Variants in HHAT observed in about 807,000 individuals in gnomAD.
HHAT encodes the protein hedgehog acyltransferase.
Under a neutral mutation model 70.8 loss-of-function variants are expected in HHAT, and 47 were observed. That is an observed-to-expected ratio of 0.66 (90% confidence interval 0.53 to 0.85). The LOEUF is 0.85. HHAT is among the 40% of genes least tolerant of loss of function. HHAT has a pLI of 0.00. For missense variants in HHAT, 609 were observed against 604.8 expected (o/e 1.01, Z -0.07); for synonymous variants, 228 against 247.6 (o/e 0.92, Z 0.74).
At chr1:210,585,169 G>C (rs1486775584) in intron 9 of HHAT, among the ~76,000 whole-genome samples, 1 of 149,450 alleles carries the variant, frequency 6.7e-6, no homozygotes, top group African/African-American at 2.6e-5. Flanking sequence ...ATGCAGATTT[G>C]CATCTTTGTC....
At chr1:210,593,433 C>G (rs1356479628) in intron 10 of HHAT, among the ~76,000 whole-genome samples, 2 of 152,110 alleles carry the variant, frequency 1.3e-5, no homozygotes, top group Non-Finnish European at 2.9e-5. Context: ...CATTGACCCT[C>G]TGTCATTCAG....
At chr1:210,509,727 G>A (rs987697240) in intron 8 of HHAT, among the ~76,000 whole-genome samples, 1 of 152,204 alleles carries the variant, frequency 6.6e-6, no homozygotes, top group African/African-American at 2.4e-5. Flanking sequence ...CCTGCATGGT[G>A]AGAAACTATA....
chr1:210,617,072 T>C (rs1288210750), intron 10 of HHAT, among the ~76,000 whole-genome samples: 5 of 152,240 alleles, frequency 3.3e-5, no homozygotes, highest in Non-Finnish European at 7.3e-5. Flanking sequence ...GATGGAAATA[T>C]AGAACCTAAA....
intron 11 of HHAT, among the ~76,000 whole-genome samples, chr1:210,625,886 C>T (rs1280218070): frequency 1.3e-5 from 2 of 152,226 alleles, no homozygotes; most frequent in Non-Finnish European, 2.9e-5. Context: ...TTTCTGCTTA[C>T]ATGTCATTGG....
At chr1:210,333,428 A>G (rs1252510092) in intron 1 of HHAT, among the ~76,000 whole-genome samples, 2 of 149,980 alleles carry the variant, frequency 1.3e-5, no homozygotes, top group African/African-American at 4.8e-5. Context: ...TGTCTCTTAA[A>G]AAATAATAAT....
At chr1:210,535,160 T>C (rs2095357605) in intron 9 of HHAT, among the ~76,000 whole-genome samples, 1 of 152,246 alleles carries the variant, frequency 6.6e-6, no homozygotes, top group African/African-American at 2.4e-5. Flanking sequence ...GGAAGGCCAC[T>C]GTTATGCATG....
chr1:210,504,043 CT>C (rs1256347173), intron 8 of HHAT, among the ~76,000 whole-genome samples: 1 of 152,178 alleles, frequency 6.6e-6, no homozygotes, highest in Non-Finnish European at 1.5e-5. Flanking sequence ...AAATTCAAAA[CT>C]TTTGTGCTTC....
intron 11 of HHAT, among the ~76,000 whole-genome samples, chr1:210,652,018 G>A (rs1675268674): frequency 6.6e-6 from 1 of 152,198 alleles, no homozygotes; most frequent in African/African-American, 2.4e-5. Context: ...GGAAAGCCTA[G>A]CTGTCAAGAG....
chr1:210,545,436 C>CTTTTT (rs71571956), intron 9 of HHAT, among the ~76,000 whole-genome samples: 6 of 127,188 alleles, frequency 4.7e-5, no homozygotes, highest in African/African-American at 1.8e-4. Flanking sequence ...CTTTTTTTTC[C>CTTTTT]TTTTTTTTTT....
At chr1:210,398,638 T>A (rs748062610) in intron 4 of HHAT, among the ~76,000 whole-genome samples, 3 of 152,186 alleles carry the variant, frequency 2.0e-5, no homozygotes, top group Non-Finnish European at 2.9e-5. Context: ...TCCAAAGGGA[T>A]CAAATAGCAC....
intron 10 of HHAT, chr1:210,588,924 T>G (rs1661072874): frequency 6.6e-6 from 1 of 152,254 alleles, no homozygotes; most frequent in African/African-American, 2.4e-5. Flanking sequence ...GAAAATCAAT[T>G]AAGCATTTCT....
chr1:210,367,691 T>C (rs1246575357), intron 3 of HHAT, among the ~76,000 whole-genome samples: 1 of 152,158 alleles, frequency 6.6e-6, no homozygotes, highest in Non-Finnish European at 1.5e-5. Flanking sequence ...TTTTTGATGA[T>C]GTTCAGGTTT....
intron 7 of HHAT, among the ~76,000 whole-genome samples, chr1:210,449,673 C>T (rs2093708533): frequency 6.6e-6 from 1 of 152,196 alleles, no homozygotes; most frequent in Admixed American, 6.5e-5. Flanking sequence ...CAGTCCTAAA[C>T]TGTTACTAAT....
chr1:210,483,339 A>G (rs1345944931), intron 8 of HHAT, among the ~76,000 whole-genome samples: 2 of 152,180 alleles, frequency 1.3e-5, no homozygotes, highest in African/African-American at 2.4e-5. Flanking sequence ...TGTGTTCTGC[A>G]TTTGTTTAGA....
chr1:210,408,391 C>A (rs1276398707), intron 6 of HHAT, among the ~76,000 whole-genome samples: 3 of 152,110 alleles, frequency 2.0e-5, no homozygotes, highest in African/African-American at 7.2e-5. Context: ...CCATGTTGGC[C>A]AGGCTGGTCT....
At chr1:210,446,578 A>T (rs532128921) in intron 7 of HHAT, among the ~76,000 whole-genome samples, 88 of 152,306 alleles carry the variant, frequency 5.8e-4, no homozygotes, top group African/African-American at 2.1e-3. Flanking sequence ...GGCACCTGCC[A>T]CCGTGACTCA....
rs869305965 is a variant in HHAT, at chr1:210,386,230, C to CTTTTT, written c.160-1216_160-1212dup. Reference sequence around the variant, plus strand: ...ATTGCAGGAGTCCTTTTCTTTTTTTCTTTTTTTTTTTTTTTTTTTTTTTTT... The same window carrying CTTTTT: ...ATTGCAGGAGTCCTTTTCTTTTTTTCTTTTTTTTTTTTTTTTTTTTTTTTTTTTTT... On this transcript the variant is annotated intron_variant, in intron 3 of 11. Coordinates refer to ENST00000261458, the MANE Select transcript of HHAT (RefSeq NM_018194.6). Among the ~76,000 whole-genome samples the CTTTTT allele has an allele frequency of 1.8e-3, 127 of 69,892 alleles. 2 individuals are homozygous for CTTTTT. The highest frequency in any genetic ancestry group is 3.9e-3 in the East Asian group (8 of 2,076). The allele number at this position is 69,892 out of a possible 152,430, so 45.9% of individuals were successfully genotyped here.
At chr1:210,662,692 G>T (rs556450231) in intron 11 of HHAT, among the ~76,000 whole-genome samples, 11 of 151,000 alleles carry the variant, frequency 7.3e-5, no homozygotes, top group Non-Finnish European at 1.5e-4. Context: ...CCTTCTGCTT[G>T]TGCTGTCAGA....
chr1:210,625,746 T>C (rs1464701205), intron 11 of HHAT, among the ~76,000 whole-genome samples: 1 of 152,246 alleles, frequency 6.6e-6, no homozygotes, highest in Non-Finnish European at 1.5e-5. Flanking sequence ...TCAATACAAA[T>C]CCAGTGGCTT....
Sources: allele counts gnomAD v4.1 joint callset (sites outside exome capture counted in the v4.1 genomes callset), GRCh38; gene constraint gnomAD v4.1.1; transcripts MANE v1.5; gene names NCBI Gene and HGNC (gene_info 2026-07-23, HGNC 2026-07-21).